RAN: variants seen among roughly 807,000 people sequenced by gnomAD.
The protein encoded by RAN is RAN, member RAS oncogene family, also known as GTP-binding nuclear protein Ran.
RAN carries 2 observed loss-of-function variants against 26.8 expected under a neutral mutation model. That is an observed-to-expected ratio of 0.07 (90% confidence interval 0.03 to 0.23). RAN has a LOEUF of 0.23. Ranked by LOEUF, RAN falls within the 10% of genes least tolerant of loss-of-function variation. The probability of loss-of-function intolerance (pLI) is 1.00; values close to 1 mark genes in which losing one functional copy is unlikely to be tolerated. For missense variants in RAN, 56 were observed against 264.8 expected (o/e 0.21, Z 5.47); for synonymous variants, 132 against 95.9 (o/e 1.38, Z -2.20).
intron 4 of RAN, chr12:130,873,477 G>A: frequency 3.8e-6 from 1 of 259,926 alleles, no homozygotes; most frequent in Non-Finnish European, 7.6e-6. Flanking sequence ...TGTTTTTACT[G>A]TATTAGAAAA....
rs1455276946 is a variant in RAN, at chr12:130,872,108, G to A, written c.-29G>A. 1 of 313,372 alleles carries A rather than the reference G, an allele frequency of 3.2e-6. No individual in the cohort carries two copies. Among genetic ancestry groups the A allele is most frequent in the Middle Eastern group, 4.7e-4 (1 of 2,126 alleles). The allele number at this position is 313,372 out of a possible 1,614,324, so 19.4% of individuals were successfully genotyped here. On this transcript the variant is annotated 5_prime_UTR_variant, in exon 1 of 7. Coordinates refer to ENST00000543796, the MANE Select transcript of RAN (RefSeq NM_006325.5). ...TCTTTCCAGCCTCAGTCGGACGGGC[G>A]CGGAGACGCTTCTGGAAGGTATCGC...
chr12:130,873,991 G>A (rs1953190530), intron 4 of RAN: 3 of 386,290 alleles, frequency 7.8e-6, no homozygotes, highest in East Asian at 9.6e-5. Flanking sequence ...TGGACTATAG[G>A]CACGTGCCAC....
rs937044594 is a variant in RAN, at chr12:130,877,064, TAAC to T, written c.*1139_*1141del. Reference sequence around the variant, plus strand: ...AGTTGGTGAAACTTTTTTTTTTTTTTAACTAAGCATTTAATTTATCTTGCATAT... The same window carrying T: ...AGTTGGTGAAACTTTTTTTTTTTTTTTAAGCATTTAATTTATCTTGCATAT... On this transcript the variant is annotated 3_prime_UTR_variant, in exon 7 of 7. Transcript: ENST00000543796. 4.6e-5 allele frequency: 7 copies of T among 151,802 alleles called. No homozygotes were observed. Among genetic ancestry groups the T allele is most frequent in the African/African-American group, 1.7e-4 (7 of 41,262 alleles). The allele number at this position is 151,802 out of a possible 1,614,324, so 9.4% of individuals were successfully genotyped here. A position where few individuals can be genotyped will look rare whatever the true frequency, so the allele number is the denominator to read the frequency against.
At chr12:130,875,472 C>T in intron 5 of RAN, 140 bp from the exon 6 acceptor site, 1 of 765,774 alleles carries the variant, frequency 1.3e-6, no homozygotes, top group Non-Finnish European at 2.0e-6. Context: ...CCACCTCAGC[C>T]CCCGAAAGTG....
In RAN at chr12:130,876,912, G is replaced by A. The variant is rs1308123393; in HGVS notation, c.*986G>A. On this transcript the variant is annotated 3_prime_UTR_variant, in exon 7 of 7. Transcript: ENST00000543796. ...GTTCTTCAGCAGTTCACACTACACC[G>A]TTTTTTTGTTTTTTTTTCCCCCCCG... The A allele has an allele frequency of 6.6e-6, 1 of 151,832 alleles. No homozygotes were observed. Among genetic ancestry groups the A allele is most frequent in the African/African-American group, 2.4e-5 (1 of 41,296 alleles). 9.4% of individuals were successfully genotyped at this position (151,832 alleles called of 1,614,324 possible).
intron 5 of RAN, among the ~76,000 whole-genome samples, chr12:130,875,213 G>C (rs1712839597): frequency 6.6e-6 from 1 of 152,120 alleles, no homozygotes; most frequent in Non-Finnish European, 1.5e-5. Flanking sequence ...CAGCTGAAAT[G>C]TTTGTGTATT....
At chr12:130,874,817 T>C (rs1953208137) in intron 5 of RAN, 84 bp downstream of exon 5, 1 of 1,184,856 alleles carries the variant, frequency 8.4e-7, no homozygotes, top group African/African-American at 1.6e-5. Flanking sequence ...GTCTATTATA[T>C]ATGGAAATGA....
Position 130,874,556 on chromosome 12 carries a change from C to T in RAN, c.258C>T (p.Ala86=), listed in dbSNP as rs1365711663. ...RDGYYIQAQC[A]IIMFDVTSRV... ...CAAATGTTTCTTCAGCCCAGTGTGC[C>T]ATCATAATGTTTGATGTAACATCGA... The change falls in exon 5 of 7, where the codon GCC becomes GCT. Residue 86 remains alanine, a synonymous_variant. Transcript: ENST00000543796. 1 of 1,584,924 alleles carries T rather than the reference C, an allele frequency of 6.3e-7. No individual in the cohort carries two copies. Among genetic ancestry groups the T allele is most frequent in the Non-Finnish European group, 8.6e-7 (1 of 1,156,912 alleles).
At chr12:130,875,068 C>T (rs2136403260) in intron 5 of RAN, among the ~76,000 whole-genome samples, 1 of 152,254 alleles carries the variant, frequency 6.6e-6, no homozygotes, top group South Asian at 2.1e-4. Flanking sequence ...TCAAGTGATC[C>T]ACTTGCCTTG....
rs921969528 is a variant in RAN at position 130,874,231 on chromosome 12, C to T, written c.248-315C>T. 4.2e-5 allele frequency: 12 copies of T among 284,824 alleles called. No homozygotes were observed. In the South Asian group the frequency reaches 6.5e-4, roughly 15 times the overall value. 17.6% of individuals were successfully genotyped at this position (284,824 alleles called of 1,614,324 possible). A position where few individuals can be genotyped will look rare whatever the true frequency, so the allele number is the denominator to read the frequency against. On this transcript the variant is annotated intron_variant, in intron 4 of 6. Coordinates refer to ENST00000543796, the MANE Select transcript of RAN (RefSeq NM_006325.5). Reference sequence around the variant, plus strand: ...CCTTCTGAAGAATGTGTTTCCAGGCCCTACCCTCAGAATATGGCAGCTTGG... The same window carrying T: ...CCTTCTGAAGAATGTGTTTCCAGGCTCTACCCTCAGAATATGGCAGCTTGG...
At position 130,877,473 on chromosome 12, in the gene RAN, A is replaced by T. The variant is rs142015687; in HGVS notation, c.*1547A>T. The T allele has an allele frequency of 1.4e-4, 21 of 152,322 alleles. No individual in the cohort carries two copies. The highest frequency in any genetic ancestry group is 5.1e-4 in the African/African-American group (21 of 41,562). The allele number at this position is 152,322 out of a possible 1,614,324, so 9.4% of individuals were successfully genotyped here. On this transcript the variant is annotated 3_prime_UTR_variant, in exon 7 of 7. Transcript: ENST00000543796. ...CCCCATAATTGGGATGAAACCTTTC[A>T]TTCAGGTATTTTGAATTGAAGGTGT...
rs752334135 is a variant in RAN, at chr12:130,875,943, C to T, written c.*17C>T. The T allele has an allele frequency of 3.7e-6, 6 of 1,613,462 alleles. No individual in the cohort carries two copies. In the South Asian group the frequency reaches 6.6e-5, roughly 18 times the overall value. ...GACCTGTGAGAATGAAGCTGGAGCC[C>T]AGCGTCAGAAGTCTAGTTTTATAGG... On this transcript the variant is annotated 3_prime_UTR_variant, in exon 7 of 7. Coordinates refer to ENST00000543796, the MANE Select transcript of RAN (RefSeq NM_006325.5).
Position 130,876,182 on chromosome 12 carries a change from C to G in RAN, c.*256C>G, listed in dbSNP as rs1488182303. 1.9e-6 allele frequency: 1 copy of G among 513,312 alleles called. No homozygotes were observed. The highest frequency in any genetic ancestry group is 1.9e-5 in the African/African-American group (1 of 51,986). 31.8% of individuals were successfully genotyped at this position (513,312 alleles called of 1,614,324 possible). A position where few individuals can be genotyped will look rare whatever the true frequency, so the allele number is the denominator to read the frequency against. On this transcript the variant is annotated 3_prime_UTR_variant, in exon 7 of 7. Coordinates refer to ENST00000543796, the MANE Select transcript of RAN (RefSeq NM_006325.5). ...TTGAGTTTCATATATAAGACTGCTG[C>G]AGTCACATCACAATATTCAGTGGTG...
At position 130,876,195 on chromosome 12, in the gene RAN, A is replaced by T. The variant is rs149187550; in HGVS notation, c.*269A>T. 4.2e-6 allele frequency: 2 copies of T among 473,768 alleles called. No individual in the cohort carries two copies. Among genetic ancestry groups the T allele is most frequent in the Non-Finnish European group, 7.5e-6 (2 of 265,686 alleles). 29.3% of individuals were successfully genotyped at this position (473,768 alleles called of 1,614,324 possible). On this transcript the variant is annotated 3_prime_UTR_variant, in exon 7 of 7. Transcript: ENST00000543796. ...ATAAGACTGCTGCAGTCACATCACA[A>T]TATTCAGTGGTGAAATCTTGTTTGT...
chr12:130,875,707 T>A lies in RAN; in HGVS notation c.531T>A (p.Val177=). The A allele has an allele frequency of 6.2e-7, 1 of 1,614,146 alleles. No individual in the cohort carries two copies. The highest frequency in any genetic ancestry group is 8.5e-7 in the Non-Finnish European group (1 of 1,180,002). Residue 177 remains valine, a synonymous_variant, in exon 6 of 7, where the codon GTT becomes GTA. Transcript: ENST00000543796. ...TTGGAGACCCTAACTTGGAATTTGT[T>A]GCCATGCCTGCTCTCGCCCCACCAG... is the stretch of plus-strand genomic sequence containing the variant. ...KLIGDPNLEF[V]AMPALAPPEV...
intron 4 of RAN, chr12:130,873,344 A>G (rs1953174653): frequency 5.5e-6 from 3 of 541,818 alleles, no homozygotes; most frequent in African/African-American, 1.9e-5. Context: ...CATGCTTTAG[A>G]AAAAACTATG....
chr12:130,873,282 G>GT, intron 4 of RAN, 154 bp downstream of exon 4: 1 of 1,013,016 alleles, frequency 9.9e-7, no homozygotes, highest in Non-Finnish European at 1.4e-6. Context: ...CATTTTGGTG[G>GT]CAGAGAAAAT....
At chr12:130,872,668 C>T (rs1352165437) in intron 2 of RAN, 39 bp downstream of exon 2, 2 of 1,525,420 alleles carry the variant, frequency 1.3e-6, no homozygotes, top group Admixed American at 2.3e-5. Context: ...CCGAGCCCGA[C>T]CGCGTGCGAC....
Position 130,875,989 on chromosome 12 carries a change from C to T in RAN, c.*63C>T, listed in dbSNP as rs553594595. 2.5e-5 allele frequency: 38 copies of T among 1,533,536 alleles called. No homozygotes were observed. Among genetic ancestry groups the T allele is most frequent in the Non-Finnish European group, 3.2e-5 (36 of 1,109,124 alleles). The allele number at this position is 1,533,536 out of a possible 1,614,324, so 95.0% of individuals were successfully genotyped here. On this transcript the variant is annotated 3_prime_UTR_variant, in exon 7 of 7. Coordinates refer to ENST00000543796, the MANE Select transcript of RAN (RefSeq NM_006325.5). ...ATAGGCAGCTGTCCTGTGATGTCAGCGGTGCAGCGTGTGTGCCACCTCATT... is the reference window on the plus strand; with the variant it reads ...ATAGGCAGCTGTCCTGTGATGTCAGTGGTGCAGCGTGTGTGCCACCTCATT...
Sources: allele counts gnomAD v4.1 joint callset (sites outside exome capture counted in the v4.1 genomes callset), GRCh38; gene constraint gnomAD v4.1.1; transcripts MANE v1.5; gene names NCBI Gene and HGNC (gene_info 2026-07-23, HGNC 2026-07-21).